Variants in CCDC83 observed in about 807,000 individuals in gnomAD.
CCDC83 encodes coiled-coil domain containing 83.
Under a neutral mutation model 50.1 loss-of-function variants are expected in CCDC83, and 54 were observed. The ratio of observed to expected loss-of-function variants is 1.08; its 90% CI spans 0.87 to 1.35. The LOEUF (loss-of-function observed/expected upper bound fraction) is 1.35, where lower values mean the gene tolerates loss of function less well. CCDC83 is among the 40% of genes most tolerant of loss of function. The pLI is 0.00. For missense variants in CCDC83, 518 were observed against 473.9 expected, an observed-to-expected ratio of 1.09 and a Z score of -0.86; for synonymous variants, 161 against 153.3, an observed-to-expected ratio of 1.05 and a Z score of -0.37.
intron 1 of CCDC83, among the ~76,000 whole-genome samples, chr11:85,856,989 T>C (rs2153680993): frequency 6.6e-6 from 1 of 152,290 alleles, no homozygotes; most frequent in East Asian, 1.9e-4. Flanking sequence ...ACGAATAAAC[T>C]ACCTGGGAAC....
rs1001454590 is a variant in CCDC83 at position 85,860,238 on chromosome 11, G to A, written c.-29+4654G>A. 4.7e-5 allele frequency among the ~76,000 whole-genome samples: 7 copies of A among 148,088 alleles called. No homozygotes were observed. The Admixed American group carries it at 4.8e-4, about 10-fold the overall frequency. On this transcript the variant is annotated intron_variant, in intron 1 of 10. Transcript: ENST00000342404. ...AATCACTTGAACCCTGGAGGCAAAGGTTGCAGTGAGCCGAGATTGTGCCAC... is the reference window on the plus strand; with the variant it reads ...AATCACTTGAACCCTGGAGGCAAAGATTGCAGTGAGCCGAGATTGTGCCAC...
chr11:85,862,486 C>T (rs977859798), intron 1 of CCDC83, among the ~76,000 whole-genome samples: 28 of 152,270 alleles, frequency 1.8e-4, no homozygotes, highest in Admixed American at 1.6e-3. Flanking sequence ...CTGCAGTGTG[C>T]TTCTGTCTTC....
intron 6 of CCDC83, among the ~76,000 whole-genome samples, chr11:85,896,400 C>CAAAAAAAAAAAAAAAAAA (rs58450617): frequency 2.0e-5 from 1 of 50,504 alleles, no homozygotes; most frequent in Non-Finnish European, 3.7e-5. Context: ...GACCTTGTCT[C>CAAAAAAAAAAAAAAAAAA]AAAAAAAAAA....
chr11:85,855,251 C>T (rs2093132541), upstream of CCDC83: 1 of 152,398 alleles, frequency 6.6e-6, no homozygotes, highest in Non-Finnish European at 1.5e-5. Context: ...TTTCTTGGCC[C>T]CCGACTCCTT....
At chr11:85,903,148 G>A (rs889510221) in intron 7 of CCDC83, among the ~76,000 whole-genome samples, 3 of 152,056 alleles carry the variant, frequency 2.0e-5, no homozygotes, top group African/African-American at 4.8e-5. Flanking sequence ...CAGGAGAATC[G>A]CTTGAACCCA....
At chr11:85,900,512 T>C (rs895328523) in intron 7 of CCDC83, among the ~76,000 whole-genome samples, 1 of 152,134 alleles carries the variant, frequency 6.6e-6, no homozygotes, top group African/African-American at 2.4e-5. Flanking sequence ...CCAGTCCACA[T>C]TCCCATTCAG....
At chr11:85,907,610 A>T (rs143812612) in intron 7 of CCDC83, among the ~76,000 whole-genome samples, 3,362 of 152,322 alleles carry the variant, frequency 0.022, 41 homozygotes, top group Non-Finnish European at 0.035. Flanking sequence ...TGAGGCAGGG[A>T]GGGAAATGTG....
At chr11:85,909,608 AC>A (rs2093443073) in intron 7 of CCDC83, among the ~76,000 whole-genome samples, 3 of 65,070 alleles carry the variant, frequency 4.6e-5, no homozygotes, top group South Asian at 3.5e-4. Flanking sequence ...ATCAAAATAC[AC>A]TTTTTTTTTT....
chr11:85,896,400 C>CA (rs58450617), intron 6 of CCDC83, among the ~76,000 whole-genome samples: 2,219 of 50,140 alleles, frequency 0.044, 81 homozygotes, highest in African/African-American at 0.051. Context: ...GACCTTGTCT[C>CA]AAAAAAAAAA....
chr11:85,889,879 A>G (rs547710032), intron 5 of CCDC83, among the ~76,000 whole-genome samples: 9 of 152,314 alleles, frequency 5.9e-5, no homozygotes, highest in African/African-American at 2.2e-4. Flanking sequence ...AGGTGGCAAA[A>G]TGAGATGAGA....
intron 8 of CCDC83, among the ~76,000 whole-genome samples, chr11:85,913,729 T>C (rs934507835): frequency 6.6e-6 from 1 of 152,204 alleles, no homozygotes; most frequent in African/African-American, 2.4e-5. Flanking sequence ...TAGGATTTGT[T>C]TGACACATTG....
At chr11:85,906,845 G>A (rs1025320301) in intron 7 of CCDC83, among the ~76,000 whole-genome samples, 19 of 151,732 alleles carry the variant, frequency 1.3e-4, no homozygotes, top group African/African-American at 3.6e-4. Context: ...TGTTCAGGCC[G>A]TTATACTCCA....
intron 7 of CCDC83, among the ~76,000 whole-genome samples, chr11:85,904,877 C>T (rs2093417957): frequency 6.6e-6 from 1 of 152,206 alleles, no homozygotes; most frequent in African/African-American, 2.4e-5. Context: ...TTTAAACATT[C>T]ATATGGCTTC....
chr11:85,907,076 T>C (rs886101467), intron 7 of CCDC83, among the ~76,000 whole-genome samples: 5 of 152,152 alleles, frequency 3.3e-5, no homozygotes, highest in Non-Finnish European at 7.3e-5. Context: ...AATAGAACAA[T>C]ATATGTTAAT....
At position 85,919,343 on chromosome 11, in the gene CCDC83, C is replaced by T. The variant is rs1463762850; in HGVS notation, c.1081-6C>T. The T allele has an allele frequency of 6.3e-7, 1 of 1,594,102 alleles. No homozygotes were observed. The highest frequency in any genetic ancestry group is 1.4e-5 in the African/African-American group (1 of 73,444). Reference sequence around the variant, plus strand: ...TCCTATTCTTTTTTGTGCCTGTTCACCATAGGATTATGTAAACTTGGGCCC... The same window carrying T: ...TCCTATTCTTTTTTGTGCCTGTTCATCATAGGATTATGTAAACTTGGGCCC... On this transcript the variant is annotated splice_region_variant and splice_polypyrimidine_tract_variant and intron_variant, in intron 10 of 10. Transcript: ENST00000342404.
chr11:85,882,405 A>G, intron 3 of CCDC83, 108 bp from the exon 4 acceptor site: 3 of 1,011,566 alleles, frequency 3.0e-6, no homozygotes, highest in Non-Finnish European at 3.0e-6. Context: ...CAGGCTTCCC[A>G]CTTGCCTTCC....
At chr11:85,869,727 C>G (rs915562136) in intron 2 of CCDC83, among the ~76,000 whole-genome samples, 1 of 152,244 alleles carries the variant, frequency 6.6e-6, no homozygotes, top group South Asian at 2.1e-4. Flanking sequence ...TTCTAGGGCA[C>G]TGAGTAGATG....
intron 8 of CCDC83, among the ~76,000 whole-genome samples, chr11:85,911,687 G>A (rs929889194): frequency 1.3e-5 from 2 of 152,148 alleles, no homozygotes; most frequent in Non-Finnish European, 2.9e-5. Context: ...CTCCAGACCA[G>A]CAGGGGTAAT....
intron 10 of CCDC83, chr11:85,916,530 G>A (rs1012129539): frequency 3.3e-5 from 11 of 328,532 alleles, no homozygotes; most frequent in African/African-American, 6.8e-5. Flanking sequence ...ATTTATTCTC[G>A]CTTAGGGCTC....
Sources: allele counts gnomAD v4.1 joint callset (sites outside exome capture counted in the v4.1 genomes callset), GRCh38; gene constraint gnomAD v4.1.1; transcripts MANE v1.5; gene names NCBI Gene and HGNC (gene_info 2026-07-23, HGNC 2026-07-21).